ASPH: variants seen among roughly 807,000 people sequenced by gnomAD.
The protein encoded by ASPH is aspartyl/asparaginyl beta-hydroxylase.
A neutral mutation model predicts 118.4 loss-of-function variants in ASPH; 100 were observed. That is an observed-to-expected ratio of 0.84 (90% CI 0.72 to 1.00). The LOEUF is 1.00. ASPH is among the 50% of genes least tolerant of loss of function. The pLI is 0.00. For synonymous variants in ASPH, 315 were observed against 325.6 expected (o/e 0.97, Z 0.35); for missense variants, 920 against 919.5 (o/e 1.00, Z -0.01).
rs367676893 is a variant in ASPH at position 61,551,104 on chromosome 8, G to A, written c.1626+1927C>T. ...ATGAGAATGGGGACTTGGAGAAGGA[G>A]ACTAAATCTAGCTAGAACGTGGATT... On this transcript the variant is annotated intron_variant, in intron 20 of 24. Transcript: ENST00000379454. Among the ~76,000 whole-genome samples, 10 of 152,312 alleles carry A rather than the reference G, an allele frequency of 6.6e-5. No individual in the cohort carries two copies. The East Asian group carries it at 7.7e-4, about 12-fold the overall frequency.
At position 61,585,970 on chromosome 8, in the gene ASPH, A is replaced by G. The variant is rs139117490; in HGVS notation, c.977-1941T>C. ...GCATTTAACACAGTGCTTGGCATAC[A>G]GTAAGTGCTCAGTACCTGAGAGCTA... On this transcript the variant is annotated intron_variant, in intron 14 of 24. Transcript: ENST00000379454. Among the ~76,000 whole-genome samples, 965 of 152,364 alleles carry G rather than the reference A, an allele frequency of 6.3e-3. 11 individuals carry two copies. Among genetic ancestry groups the G allele is most frequent in the African/African-American group, 0.022 (925 of 41,572 alleles).
In ASPH at chr8:61,567,180, G is replaced by T; in HGVS notation, c.1288C>A (p.Gln430Lys). The change falls in exon 17 of 25, where the codon CAA (glutamine) becomes AAA (lysine). Residue 430 changes from glutamine (Q) to lysine (K), a missense_variant. Coordinates refer to ENST00000379454, the MANE Select transcript of ASPH (RefSeq NM_004318.4). ...KLSLKRRSDR[Q>K]QFLGHMRGSL... ...GATTGCATCTTACCTAGAAATTGTT[G>T]CCTGTCTGAGCGACGCTTCAAACTC... 1 of 1,613,208 alleles carries T rather than the reference G, an allele frequency of 6.2e-7. No homozygotes were observed. The highest frequency in any genetic ancestry group is 8.5e-7 in the Non-Finnish European group (1 of 1,179,684).
At chr8:61,665,427 CTT>C in intron 3 of ASPH, 1 of 1,604,288 alleles carries the variant, frequency 6.2e-7, no homozygotes, top group Non-Finnish European at 8.5e-7. Context: ...TCCACTTTCT[CTT>C]TTTCTCTGTC....
At chr8:61,672,028 T>G (rs529585952) in intron 3 of ASPH, among the ~76,000 whole-genome samples, 1 of 152,340 alleles carries the variant, frequency 6.6e-6, no homozygotes, top group East Asian at 1.9e-4. Context: ...ACTGTAAGCC[T>G]TCTCATCTTC....
intron 6 of ASPH, among the ~76,000 whole-genome samples, chr8:61,646,045 C>T (rs548804106): frequency 9.5e-4 from 144 of 152,192 alleles, no homozygotes; most frequent in African/African-American, 3.3e-3. Context: ...ATTGGCAGGG[C>T]ATGGTAGCAT....
At chr8:61,584,646 TC>T in intron 14 of ASPH, among the ~76,000 whole-genome samples, 1 of 143,522 alleles carries the variant, frequency 7.0e-6, no homozygotes, top group Non-Finnish European at 1.6e-5. Flanking sequence ...TTTCTTTCTT[TC>T]TTTCTTTTTC....
intron 1 of ASPH, among the ~76,000 whole-genome samples, chr8:61,705,712 AT>A (rs1836432612): frequency 6.6e-6 from 1 of 152,224 alleles, no homozygotes; most frequent in African/African-American, 2.4e-5. Context: ...AGAAATGGAT[AT>A]AAAAACTCCT....
At chr8:61,572,357 CT>C (rs1175204862) in intron 16 of ASPH, among the ~76,000 whole-genome samples, 2 of 152,188 alleles carry the variant, frequency 1.3e-5, no homozygotes, top group Non-Finnish European at 2.9e-5. Flanking sequence ...TTTTGATATC[CT>C]GCCCTGGCTT....
intron 3 of ASPH, among the ~76,000 whole-genome samples, chr8:61,667,317 G>T (rs1178400690): frequency 6.6e-6 from 1 of 152,132 alleles, no homozygotes; most frequent in Admixed American, 6.6e-5. Flanking sequence ...AAGTCAGGCT[G>T]TAATACTGAG....
chr8:61,507,294 T>C (rs1056407665), intron 24 of ASPH, among the ~76,000 whole-genome samples: 2 of 152,154 alleles, frequency 1.3e-5, no homozygotes, highest in African/African-American at 2.4e-5. Context: ...AATTAACCAA[T>C]TGTATAAATA....
intron 14 of ASPH, among the ~76,000 whole-genome samples, chr8:61,618,343 C>A (rs1432155885): frequency 6.6e-6 from 1 of 152,152 alleles, no homozygotes; most frequent in Non-Finnish European, 1.5e-5. Context: ...TCAACTGATA[C>A]TAAAAATAGC....
At chr8:61,703,223 T>TA (rs1835703616) in intron 1 of ASPH, among the ~76,000 whole-genome samples, 2 of 152,284 alleles carry the variant, frequency 1.3e-5, no homozygotes, top group East Asian at 3.9e-4. Context: ...ACTTTGCCAC[T>TA]AAAATCAGAA....
At chr8:61,554,604 G>A (rs1211240883) in intron 19 of ASPH, among the ~76,000 whole-genome samples, 1 of 152,184 alleles carries the variant, frequency 6.6e-6, no homozygotes, top group Non-Finnish European at 1.5e-5. Flanking sequence ...CATTTCAGGT[G>A]CTCAATGGCC....
At chr8:61,660,215 G>A (rs1563440927) in intron 3 of ASPH, 2 of 151,888 alleles carry the variant, frequency 1.3e-5, no homozygotes, top group Non-Finnish European at 2.9e-5. Context: ...AGTACCCAAT[G>A]TTTAGCTCCA....
At chr8:61,670,088 T>G (rs1821640117) in intron 3 of ASPH, among the ~76,000 whole-genome samples, 1 of 151,906 alleles carries the variant, frequency 6.6e-6, no homozygotes, top group South Asian at 2.1e-4. Context: ...ATTTTTGACA[T>G]AAAAAGGACC....
intron 21 of ASPH, among the ~76,000 whole-genome samples, chr8:61,531,665 G>C (rs1283323020): frequency 6.6e-6 from 1 of 151,910 alleles, no homozygotes; most frequent in Non-Finnish European, 1.5e-5. Context: ...ATAACTGAAA[G>C]TTTGTACTCT....
intron 15 of ASPH, chr8:61,579,320 G>A: frequency 6.2e-7 from 1 of 1,614,238 alleles, no homozygotes. Context: ...AGCAGGACAT[G>A]GCACGGCAGC....
chr8:61,693,152 A>G lies in ASPH; in HGVS notation c.104-8964T>C, dbSNP rs76257899. On this transcript the variant is annotated intron_variant, in intron 1 of 24. Transcript: ENST00000379454. The stretch of plus-strand genomic sequence containing the variant: ...GTCCAGCCGTAACCATGTGATTTCA[A>G]TGTCTATCCCTGTGGCCAGCTAGAC... 6.9e-3 allele frequency among the ~76,000 whole-genome samples: 1,057 copies of G among 152,174 alleles called. 14 individuals are homozygous for G. Among genetic ancestry groups the G allele is most frequent in the African/African-American group, 0.024 (993 of 41,518 alleles).
chr8:61,614,300 C>T (rs1435498157), intron 14 of ASPH, among the ~76,000 whole-genome samples: 1 of 152,130 alleles, frequency 6.6e-6, no homozygotes, highest in East Asian at 1.9e-4. Context: ...TTTTATCTAA[C>T]ACCCACCCAC....
Sources: gnomAD v4.1 joint callset for allele counts (sites outside exome capture counted in the v4.1 genomes callset) on GRCh38, gnomAD v4.1.1 for gene constraint, MANE v1.5 for transcripts, NCBI Gene and HGNC (gene_info 2026-07-23, HGNC 2026-07-21) for gene names.